The following TEN1 variants were observed in gnomAD, a reference collection of about 807,000 sequenced individuals.
TEN1 encodes TEN1 subunit of CST complex.
TEN1 carries 6 observed loss-of-function variants against 9.3 expected under a neutral mutation model. The observed-to-expected ratio is 0.65, with a 90% CI of 0.35 to 1.27. The LOEUF (loss-of-function observed/expected upper bound fraction) is 1.27. TEN1 is among the 50% of genes most tolerant of loss of function. The pLI is 0.03. For missense variants in TEN1, 149 were observed against 158.2 expected, an observed-to-expected ratio of 0.94 and a Z score of 0.31; for synonymous variants, 65 against 65.6, an observed-to-expected ratio of 0.99 and a Z score of 0.04.
At chr17:75,982,718 T>A (rs2066128803) in intron 1 of TEN1, among the ~76,000 whole-genome samples, 1 of 151,538 alleles carries the variant, frequency 6.6e-6, no homozygotes, top group South Asian at 2.1e-4. Context: ...TTTATTTATT[T>A]ATTATTTTTT....
Position 75,985,176 on chromosome 17 carries a change from C to T in TEN1, c.-6-1011C>T, listed in dbSNP as rs189621616. Among the ~76,000 whole-genome samples, 8 of 152,298 alleles carry T rather than the reference C, an allele frequency of 5.3e-5. No individual in the cohort carries two copies. In the South Asian group the frequency reaches 1.4e-3, roughly 28 times the overall value. On this transcript the variant is annotated intron_variant, in intron 1 of 3. Transcript: ENST00000397640. ...GTTTATTATTATTTTGAGACAGGGTCTTACTCTATTGCCGAGGCTACAGTA... is the reference window on the plus strand; with the variant it reads ...GTTTATTATTATTTTGAGACAGGGTTTTACTCTATTGCCGAGGCTACAGTA...
chr17:76,000,357 G>A lies in TEN1; in HGVS notation c.*95G>A, dbSNP rs899372436. 17 of 1,438,290 alleles carry A rather than the reference G, an allele frequency of 1.2e-5. No individual in the cohort carries two copies. Among genetic ancestry groups the A allele is most frequent in the Middle Eastern group, 2.0e-4 (1 of 5,088 alleles). The allele number at this position is 1,438,290 out of a possible 1,614,324, so 89.1% of individuals were successfully genotyped here. On this transcript the variant is annotated 3_prime_UTR_variant, in exon 4 of 4. Coordinates refer to ENST00000397640, the MANE Select transcript of TEN1 (RefSeq NM_001113324.3). The surrounding 1 kb of genome is among the most constrained non-coding windows in gnomAD (Gnocchi z 5.9). ...AGAGCACAGACGCCTCCCCAGCGAC[G>A]GCCTTGTCTGGAGCTCGAAAGCCGA...
At chr17:75,980,265 G>A (rs1432556099) in intron 1 of TEN1, among the ~76,000 whole-genome samples, 1 of 152,058 alleles carries the variant, frequency 6.6e-6, no homozygotes, top group Non-Finnish European at 1.5e-5. Context: ...CTTGAGCCCC[G>A]GAGGTGGAGG....
chr17:76,000,304 G>A lies in TEN1; in HGVS notation c.*42G>A, dbSNP rs1429107714. 9.8e-6 allele frequency: 15 copies of A among 1,536,822 alleles called. No individual in the cohort carries two copies. The highest frequency in any genetic ancestry group is 4.9e-5 in the East Asian group (2 of 40,650). Reference sequence around the variant, plus strand: ...AACACCCTCACCTGCTTCAGAGCCCGAACCCTCTGGAGCTGCAGGAGCCCG... The same window carrying A: ...AACACCCTCACCTGCTTCAGAGCCCAAACCCTCTGGAGCTGCAGGAGCCCG... On this transcript the variant is annotated 3_prime_UTR_variant, in exon 4 of 4. Transcript: ENST00000397640. The surrounding 1 kb of genome is among the most constrained non-coding windows in gnomAD (Gnocchi z 5.9).
Position 76,000,427 on chromosome 17 carries a change from C to T in TEN1, c.*165C>T, listed in dbSNP as rs2066247878. On this transcript the variant is annotated 3_prime_UTR_variant, in exon 4 of 4. Transcript: ENST00000397640. The surrounding 1 kb of genome is among the most constrained non-coding windows in gnomAD (Gnocchi z 5.9). Reference sequence around the variant, plus strand: ...GCCCCTTCCCCTACTTTGGGATTGGCTCAGCAATGAGAACCCAGAAAGCAT... The same window carrying T: ...GCCCCTTCCCCTACTTTGGGATTGGTTCAGCAATGAGAACCCAGAAAGCAT... 9.5e-7 allele frequency: 1 copy of T among 1,055,184 alleles called. No homozygotes were observed. The highest frequency in any genetic ancestry group is 1.3e-6 in the Non-Finnish European group (1 of 759,626). 65.4% of individuals were successfully genotyped at this position (1,055,184 alleles called of 1,614,324 possible).
rs1055013538 is a variant in TEN1 at position 75,991,524 on chromosome 17, G to A, written c.151G>A (p.Asp51Asn). The change falls in exon 3 of 4, where the codon GAT becomes AAT. Residue 51 changes from aspartate to asparagine, a missense_variant. By Grantham distance (23) the Asp-to-Asn change is conservative (BLOSUM62 1). Transcript: ENST00000397640. The part of the protein sequence containing the change: ...RVTLMAQHGS[D>N]QHQVLVCTKL... ...AACACTGATGGCTCAGCACGGATCC[G>A]ATCAGCACCAGGTTCTTGTCTGTAC... The A allele has an allele frequency of 9.7e-6, 15 of 1,552,146 alleles. No individual in the cohort carries two copies. Among genetic ancestry groups the A allele is most frequent in the African/African-American group, 4.1e-5 (3 of 73,046 alleles).
intron 1 of TEN1, among the ~76,000 whole-genome samples, chr17:75,985,587 C>T (rs893413823): frequency 3.3e-5 from 5 of 152,154 alleles, no homozygotes; most frequent in African/African-American, 4.8e-5. Context: ...TGCAATGGCA[C>T]GATCTTGGCT....
At position 76,000,050 on chromosome 17, in the gene TEN1, G is replaced by A; in HGVS notation, c.251-91G>A. The A allele has an allele frequency of 1.3e-6, 2 of 1,494,536 alleles. No individual in the cohort carries two copies. Among genetic ancestry groups the A allele is most frequent in the Non-Finnish European group, 1.8e-6 (2 of 1,113,710 alleles). 92.6% of individuals were successfully genotyped at this position (1,494,536 alleles called of 1,614,324 possible). Reference sequence around the variant, plus strand: ...TCACTTGCTGCCAAAACCCAGGACTGAGCTGTGGAGGGAACAGCTGGAATG... The same window carrying A: ...TCACTTGCTGCCAAAACCCAGGACTAAGCTGTGGAGGGAACAGCTGGAATG... On this transcript the variant is annotated intron_variant, in intron 3 of 3. Transcript: ENST00000397640. The surrounding 1 kb of genome is among the most constrained non-coding windows in gnomAD (Gnocchi z 5.9).
At chr17:75,991,349 C>A in intron 2 of TEN1, 117 bp from the exon 3 acceptor site, 1 of 1,091,682 alleles carries the variant, frequency 9.2e-7, no homozygotes, top group Non-Finnish European at 1.3e-6. Flanking sequence ...ATTTGCATTT[C>A]TGTGATGAGA....
chr17:75,988,561 CAAA>C (rs1189354019), intron 2 of TEN1, among the ~76,000 whole-genome samples: 130 of 28,966 alleles, frequency 4.5e-3, no homozygotes, highest in African/African-American at 0.02. Context: ...GATCCTGCCT[CAAA>C]AAAAAAAAAA....
chr17:75,990,791 GAA>G (rs34463013), intron 2 of TEN1, among the ~76,000 whole-genome samples: 1 of 123,394 alleles, frequency 8.1e-6, no homozygotes, highest in Non-Finnish European at 1.8e-5. Context: ...CTGGGATACA[GAA>G]AAAAAAAAAA....
At chr17:75,990,810 G>A in intron 2 of TEN1, among the ~76,000 whole-genome samples, 3 of 144,260 alleles carry the variant, frequency 2.1e-5, no homozygotes, top group African/African-American at 2.7e-5. Flanking sequence ...AAAAAAGAAA[G>A]GAAGAAAAAG....
intron 1 of TEN1, among the ~76,000 whole-genome samples, chr17:75,982,987 A>G (rs904147695): frequency 6.6e-6 from 1 of 150,984 alleles, no homozygotes; most frequent in Non-Finnish European, 1.5e-5. Flanking sequence ...AAAAAGAAAG[A>G]AAAAAGGAAG....
At position 75,992,873 on chromosome 17, in the gene TEN1, C is replaced by T. The variant is rs970428771; in HGVS notation, c.250+1250C>T. On this transcript the variant is annotated intron_variant, in intron 3 of 3. Coordinates refer to ENST00000397640, the MANE Select transcript of TEN1 (RefSeq NM_001113324.3). ...GGAGTGCAGTGGCGCGATCTCAGCC[C>T]ACTGCAACCTCCAGCTCCCTGGATC... Among the ~76,000 whole-genome samples the T allele has an allele frequency of 9.2e-5, 14 of 151,512 alleles. No individual in the cohort carries two copies. The South Asian group carries it at 2.1e-3, about 23-fold the overall frequency.
At chr17:75,986,320 T>A in intron 2 of TEN1, 36 bp downstream of exon 2, 1 of 1,495,722 alleles carries the variant, frequency 6.7e-7, no homozygotes, top group Middle Eastern at 1.7e-4. Context: ...GTGGGGGTGA[T>A]GATATGTTAA....
In TEN1 at chr17:75,979,318, C is replaced by G. The variant is rs966309721; in HGVS notation, c.-200C>G. 7 of 608,670 alleles carry G rather than the reference C, an allele frequency of 1.2e-5. No individual in the cohort carries two copies. The African/African-American group carries it at 1.3e-4, about 11-fold the overall frequency. The allele number at this position is 608,670 out of a possible 1,614,324, so 37.7% of individuals were successfully genotyped here. The stretch of plus-strand genomic sequence containing the variant: ...TGGCTGGGGCCGGTCGCGGGGCAGA[C>G]TAATCCCCTGCTCCTGGCCAGGGGA... On this transcript the variant is annotated 5_prime_UTR_variant, in exon 1 of 4. Coordinates refer to ENST00000397640, the MANE Select transcript of TEN1 (RefSeq NM_001113324.3).
chr17:75,979,525 T>C lies in TEN1; in HGVS notation c.-7+14T>C, dbSNP rs2066097690. ...CGCCTAGAACAGGTTGGCTGGGGCC[T>C]TGGGAAGGGGGCGGGACAACGAGGC... On this transcript the variant is annotated intron_variant, in intron 1 of 3. Transcript: ENST00000397640. The C allele has an allele frequency of 2.0e-5, 6 of 300,986 alleles. No homozygotes were observed. The highest frequency in any genetic ancestry group is 3.3e-5 in the Non-Finnish European group (5 of 152,864). The allele number at this position is 300,986 out of a possible 1,614,324, so 18.6% of individuals were successfully genotyped here.
intron 1 of TEN1, among the ~76,000 whole-genome samples, chr17:75,980,397 G>C (rs908704947): frequency 2.2e-4 from 34 of 151,708 alleles, no homozygotes; most frequent in Non-Finnish European, 4.1e-4. Flanking sequence ...AGACAAGGGA[G>C]ATTCAGGGAT....
intron 1 of TEN1, among the ~76,000 whole-genome samples, chr17:75,981,343 C>T (rs868802592): frequency 6.6e-5 from 10 of 152,096 alleles, no homozygotes; most frequent in African/African-American, 2.4e-4. Flanking sequence ...TGTACTACCA[C>T]ACTTGGCTAA....
Sources: gnomAD v4.1 joint callset for allele counts (sites outside exome capture counted in the v4.1 genomes callset) on GRCh38, gnomAD v4.1.1 for gene constraint, Gnocchi (gnomAD v3.1) non-coding constraint, MANE v1.5 for transcripts, NCBI Gene and HGNC (gene_info 2026-07-23, HGNC 2026-07-21) for gene names.